The following SPAG16 variants were observed in gnomAD, a reference collection of about 807,000 sequenced individuals.
SPAG16 encodes the protein sperm-associated antigen 16 protein.
In SPAG16, 86 loss-of-function variants were observed where a neutral mutation model predicts 80.4. That is an observed-to-expected ratio of 1.07 (90% confidence interval 0.90 to 1.28). The LOEUF (loss-of-function observed/expected upper bound fraction) is 1.28. SPAG16 is among the 50% of genes most tolerant of loss of function. SPAG16 has a pLI of 0.00. For missense variants in SPAG16, 870 were observed against 765.3 expected, an observed-to-expected ratio of 1.14 and a Z score of -1.61; for synonymous variants, 294 against 265.9, an observed-to-expected ratio of 1.11 and a Z score of -1.03.
intron 10 of SPAG16, among the ~76,000 whole-genome samples, chr2:213,661,109 C>G (rs752057325): frequency 1.5e-4 from 23 of 152,122 alleles, no homozygotes; most frequent in Non-Finnish European, 2.6e-4. Flanking sequence ...TGCTAGGTCT[C>G]TGGTTGGTGT....
At chr2:213,910,060 A>C (rs1038668591) in intron 11 of SPAG16, among the ~76,000 whole-genome samples, 4 of 152,230 alleles carry the variant, frequency 2.6e-5, no homozygotes, top group Admixed American at 2.0e-4. Context: ...TACAAATACA[A>C]TGCAAGAAGA....
At chr2:214,218,805 G>A (rs946546049) in intron 15 of SPAG16, among the ~76,000 whole-genome samples, 2 of 152,204 alleles carry the variant, frequency 1.3e-5, no homozygotes, top group Non-Finnish European at 2.9e-5. Flanking sequence ...GTGGGTAAAT[G>A]TGGCAAGTCA....
At chr2:213,386,316 A>G (rs2125266952) in intron 9 of SPAG16, among the ~76,000 whole-genome samples, 1 of 152,278 alleles carries the variant, frequency 6.6e-6, no homozygotes, top group Non-Finnish European at 1.5e-5. Context: ...TAGATTAAAT[A>G]TATATATATT....
At chr2:214,122,118 C>G (rs2054250184) in intron 14 of SPAG16, among the ~76,000 whole-genome samples, 1 of 151,542 alleles carries the variant, frequency 6.6e-6, no homozygotes, top group Admixed American at 6.6e-5. Context: ...ATTTAATTTT[C>G]TATAACATAA....
intron 10 of SPAG16, among the ~76,000 whole-genome samples, chr2:213,738,057 A>C (rs1422460893): frequency 6.6e-6 from 1 of 152,142 alleles, no homozygotes; most frequent in Non-Finnish European, 1.5e-5. Context: ...TTTTCTAAAA[A>C]CTTTAGCATT....
intron 10 of SPAG16, among the ~76,000 whole-genome samples, chr2:213,561,185 A>G (rs908497380): frequency 1.4e-4 from 21 of 152,162 alleles, no homozygotes; most frequent in African/African-American, 5.1e-4. Context: ...GCTTTTGTCC[A>G]GTTTCCTCCA....
chr2:214,380,300 T>C (rs1030259941), intron 15 of SPAG16, among the ~76,000 whole-genome samples: 5 of 152,210 alleles, frequency 3.3e-5, no homozygotes, highest in Non-Finnish European at 1.5e-5. Context: ...TTTTGCAAAA[T>C]GTTTGTTAGC....
At chr2:213,871,998 A>G (rs1463045139) in intron 11 of SPAG16, among the ~76,000 whole-genome samples, 2 of 152,122 alleles carry the variant, frequency 1.3e-5, no homozygotes, top group African/African-American at 4.8e-5. Context: ...AAAATAGAAA[A>G]CATGAAAAGG....
At chr2:213,696,097 G>T (rs13386209) in intron 10 of SPAG16, among the ~76,000 whole-genome samples, 3,719 of 152,186 alleles carry the variant, frequency 0.024, 147 homozygotes, top group African/African-American at 0.084. Flanking sequence ...AAAGCCAAAA[G>T]ATTTGCTGAT....
At chr2:213,980,662 G>T (rs2045681322) in intron 12 of SPAG16, among the ~76,000 whole-genome samples, 1 of 136,552 alleles carries the variant, frequency 7.3e-6, no homozygotes, top group African/African-American at 2.8e-5. Context: ...ATATGTATAT[G>T]TATATAGAAT....
rs190072262 is a variant in SPAG16 at position 214,053,084 on chromosome 2, T to C, written c.1527+39007T>C. On this transcript the variant is annotated intron_variant, in intron 13 of 15. Coordinates refer to ENST00000331683, the MANE Select transcript of SPAG16 (RefSeq NM_024532.5). ...ATTTAAGACATGAAAATTAGACCTG[T>C]TGACAAAAGCTAAGGGAAGTGAGGT... Among the ~76,000 whole-genome samples, 291 of 152,204 alleles carry C rather than the reference T, an allele frequency of 1.9e-3. 2 individuals carry two copies. Among genetic ancestry groups the C allele is most frequent in the Non-Finnish European group, 2.0e-3 (136 of 68,002 alleles).
chr2:213,469,664 G>A (rs1575672541), intron 9 of SPAG16, among the ~76,000 whole-genome samples: 1 of 150,778 alleles, frequency 6.6e-6, no homozygotes, highest in Non-Finnish European at 1.5e-5. Context: ...CCTGGGTTGG[G>A]GTGTTGCAGT....
chr2:214,347,525 A>G (rs1033726532), intron 15 of SPAG16, among the ~76,000 whole-genome samples: 9 of 152,200 alleles, frequency 5.9e-5, no homozygotes, highest in Non-Finnish European at 1.0e-4. Context: ...TTAAGATGTT[A>G]GAAGGACTTA....
At chr2:213,974,184 T>G (rs2106389644) in intron 12 of SPAG16, among the ~76,000 whole-genome samples, 1 of 152,254 alleles carries the variant, frequency 6.6e-6, no homozygotes, top group East Asian at 1.9e-4. Context: ...TCATAATTAG[T>G]TCTGTCTCTT....
intron 4 of SPAG16, among the ~76,000 whole-genome samples, chr2:213,315,015 TG>T (rs904460523): frequency 4.4e-4 from 67 of 152,026 alleles, no homozygotes; most frequent in African/African-American, 1.5e-3. Context: ...ACAAAATATG[TG>T]ACTTTATAAA....
At chr2:213,845,199 CTTTT>C (rs10547272) in intron 10 of SPAG16, among the ~76,000 whole-genome samples, 16 of 130,456 alleles carry the variant, frequency 1.2e-4, no homozygotes, top group Admixed American at 1.5e-4. Flanking sequence ...ATCTAGTGTT[CTTTT>C]TTTTTTTTTT....
chr2:213,421,264 C>G (rs2069567571), intron 9 of SPAG16, among the ~76,000 whole-genome samples: 1 of 151,982 alleles, frequency 6.6e-6, no homozygotes, highest in Non-Finnish European at 1.5e-5. Flanking sequence ...TGTGGCTGAG[C>G]CCAGGTGCTG....
At chr2:213,391,662 A>C (rs1043445130) in intron 9 of SPAG16, among the ~76,000 whole-genome samples, 1 of 152,212 alleles carries the variant, frequency 6.6e-6, no homozygotes, top group Non-Finnish European at 1.5e-5. Flanking sequence ...TTCGATAGAA[A>C]AGGTTATTTA....
At chr2:213,587,663 T>A (rs1168620823) in intron 10 of SPAG16, among the ~76,000 whole-genome samples, 1 of 151,008 alleles carries the variant, frequency 6.6e-6, no homozygotes, top group Non-Finnish European at 1.5e-5. Flanking sequence ...TTCCTTTTAA[T>A]ATGGATAGGC....
Sources: allele counts gnomAD v4.1 joint callset (sites outside exome capture counted in the v4.1 genomes callset), GRCh38; gene constraint gnomAD v4.1.1; transcripts MANE v1.5; gene names NCBI Gene and HGNC (gene_info 2026-07-23, HGNC 2026-07-21).